SPTBN1: variants seen among roughly 807,000 people sequenced by gnomAD.
The protein encoded by SPTBN1 is spectrin beta, non-erythrocytic 1, also known as spectrin beta chain, non-erythrocytic 1.
Under a neutral mutation model 266.4 loss-of-function variants are expected in SPTBN1, and 32 were observed. That is an observed-to-expected ratio of 0.12 (90% CI 0.09 to 0.16). SPTBN1 has a LOEUF of 0.16. Ranked by LOEUF, SPTBN1 falls within the 10% of genes least tolerant of loss-of-function variation. SPTBN1 has a pLI of 1.00. For missense variants in SPTBN1, 2,296 were observed against 3,067.1 expected (o/e 0.75, Z 5.94); for synonymous variants, 1,336 against 1,162.2 (o/e 1.15, Z -3.04).
intron 17 of SPTBN1, among the ~76,000 whole-genome samples, chr2:54,632,970 T>C (rs1678855458): frequency 6.6e-6 from 1 of 152,200 alleles, no homozygotes; most frequent in Non-Finnish European, 1.5e-5. Flanking sequence ...GTGAGACATG[T>C]ACAAGTGTCC....
chr2:54,552,575 G>C lies in SPTBN1; in HGVS notation c.148+26009G>C, dbSNP rs868100232. On this transcript the variant is annotated intron_variant, in intron 2 of 35. Coordinates refer to ENST00000356805, the MANE Select transcript of SPTBN1 (RefSeq NM_003128.3). The stretch of plus-strand genomic sequence containing the variant: ...AGATTCAAGCGATTCTCCTGCCTCA[G>C]CCTCCTGAGTAGCTGGGATTACAGG... Among the ~76,000 whole-genome samples, 236 of 151,184 alleles carry C rather than the reference G, an allele frequency of 1.6e-3. No individual in the cohort carries two copies. In the Middle Eastern group the frequency reaches 0.024, roughly 16 times the overall value.
intron 1 of SPTBN1, among the ~76,000 whole-genome samples, chr2:54,471,013 ACTT>A (rs1434095519): frequency 2.0e-5 from 3 of 152,148 alleles, no homozygotes; most frequent in East Asian, 1.9e-4. Flanking sequence ...AGCCCAAGAC[ACTT>A]CTTCTTCCAG....
Position 54,629,005 on chromosome 2 carries a change from G to A in SPTBN1, c.1871G>A (p.Cys624Tyr). The change falls in exon 14 of 36, where the codon TGC becomes TAC. Residue 624 changes from cysteine (C) to tyrosine (Y), a missense_variant. Cys to Tyr is a radical substitution (Grantham distance 194). Transcript: ENST00000356805. ...AHMEFCYQEL[C>Y]QLAAERRARL... is the part of the protein sequence containing the mutation. Reference sequence around the variant, plus strand: ...ATGGAGTTCTGTTATCAAGAGCTTTGCCAGCTGGCGGCTGAGCGCAGGGCC... The same window carrying A: ...ATGGAGTTCTGTTATCAAGAGCTTTACCAGCTGGCGGCTGAGCGCAGGGCC... The A allele has an allele frequency of 6.2e-7, 1 of 1,613,804 alleles. No individual in the cohort carries two copies. Among genetic ancestry groups the A allele is most frequent in the Non-Finnish European group, 8.5e-7 (1 of 1,180,010 alleles).
intron 2 of SPTBN1, chr2:54,529,768 G>C (rs995133527): frequency 1.1e-5 from 6 of 537,060 alleles, no homozygotes; most frequent in Non-Finnish European, 2.1e-5. Flanking sequence ...TCCTGATTAT[G>C]ATGCTTTGGA....
intron 1 of SPTBN1, among the ~76,000 whole-genome samples, chr2:54,462,844 G>T (rs1184041972): frequency 6.6e-6 from 1 of 152,210 alleles, no homozygotes; most frequent in Non-Finnish European, 1.5e-5. Context: ...TTCTGTTCCT[G>T]GCAGACATCG....
intron 3 of SPTBN1, among the ~76,000 whole-genome samples, chr2:54,600,715 T>G (rs1295099867): frequency 2.7e-5 from 2 of 73,928 alleles, no homozygotes; most frequent in African/African-American, 1.5e-4. Context: ...TATTTATTGA[T>G]TTTTTTTTTT....
chr2:54,568,267 G>A (rs1229861764), intron 2 of SPTBN1, among the ~76,000 whole-genome samples: 1 of 148,488 alleles, frequency 6.7e-6, no homozygotes, highest in East Asian at 2.0e-4. Context: ...TGTAATCCCA[G>A]CTACTCTGGG....
At chr2:54,529,849 CACCAAA>C in intron 2 of SPTBN1, 2 of 87,666 alleles carry the variant, frequency 2.3e-5, no homozygotes, top group South Asian at 3.0e-4. Flanking sequence ...TATCTCTTTT[CACCAAA>C]AAAAAAAAAA....
intron 2 of SPTBN1, among the ~76,000 whole-genome samples, chr2:54,568,302 A>G (rs1161558310): frequency 2.1e-5 from 3 of 144,260 alleles, no homozygotes; most frequent in African/African-American, 5.1e-5. Context: ...GTGAGTCGAG[A>G]TTGCACCACT....
At chr2:54,556,301 A>G (rs72918780) in intron 2 of SPTBN1, among the ~76,000 whole-genome samples, 4,709 of 152,148 alleles carry the variant, frequency 0.031, 274 homozygotes, top group African/African-American at 0.11. Flanking sequence ...CCTTTCTAAT[A>G]CTTGCATGTG....
At chr2:54,504,280 A>AT (rs1669436396) in intron 1 of SPTBN1, among the ~76,000 whole-genome samples, 1 of 152,262 alleles carries the variant, frequency 6.6e-6, no homozygotes, top group African/African-American at 2.4e-5. Context: ...ACTTTCTTAA[A>AT]TAAAAACCTT....
intron 31 of SPTBN1, 66 bp from the exon 32 acceptor site, chr2:54,659,870 T>A: frequency 6.4e-7 from 1 of 1,565,452 alleles, no homozygotes; most frequent in Non-Finnish European, 8.7e-7. Flanking sequence ...CTCCCACCCT[T>A]TCTTACTGTT....
rs1558437265 is a variant in SPTBN1, at chr2:54,622,398, G to A, written c.975G>A (p.Leu325=). Residue 325 remains leucine, a synonymous_variant, in exon 9 of 36, where the codon CTG becomes CTA. Transcript: ENST00000356805. ...GGATTGAACAAACCATCATCATTCT[G>A]AACAATCGCAAATTTGCCAATTCAC... is the stretch of plus-strand genomic sequence containing the variant. ...LEWIEQTIII[L]NNRKFANSLV... 1.9e-6 allele frequency: 3 copies of A among 1,614,158 alleles called. No individual in the cohort carries two copies. Among genetic ancestry groups the A allele is most frequent in the East Asian group, 2.2e-5 (1 of 44,886 alleles).
Position 54,526,404 on chromosome 2 carries a change from C to T in SPTBN1, c.-15C>T, listed in dbSNP as rs779016641. ...AGAAGGAGCTGATGTGGAGGAGCAG[C>T]TGAGACAGTTCAAGATGACGACCAC... On this transcript the variant is annotated 5_prime_UTR_variant, in exon 2 of 36. Coordinates refer to ENST00000356805, the MANE Select transcript of SPTBN1 (RefSeq NM_003128.3). The T allele has an allele frequency of 1.9e-6, 3 of 1,613,626 alleles. No individual in the cohort carries two copies. The Admixed American group carries it at 5.0e-5, about 27-fold the overall frequency.
chr2:54,659,368 G>A, intron 31 of SPTBN1, 102 bp downstream of exon 31: 1 of 1,118,740 alleles, frequency 8.9e-7, no homozygotes, highest in East Asian at 2.4e-5. Context: ...CTAACCACAT[G>A]CCCTGCCTAC....
intron 2 of SPTBN1, among the ~76,000 whole-genome samples, chr2:54,566,333 G>A (rs555790098): frequency 1.5e-3 from 221 of 151,748 alleles, no homozygotes; most frequent in Non-Finnish European, 2.4e-3. Flanking sequence ...GATTATAGGC[G>A]CCCACCACCA....
chr2:54,593,523 TC>T (rs1333225237), intron 2 of SPTBN1, among the ~76,000 whole-genome samples: 1 of 152,122 alleles, frequency 6.6e-6, no homozygotes, highest in Non-Finnish European at 1.5e-5. Context: ...AGAGGTGGGG[TC>T]CTCAGGTGTG....
intron 1 of SPTBN1, among the ~76,000 whole-genome samples, chr2:54,464,282 T>A (rs1490477818): frequency 6.6e-6 from 1 of 152,216 alleles, no homozygotes; most frequent in Non-Finnish European, 1.5e-5. Context: ...AAATGTTTTT[T>A]AATGGAACAT....
At chr2:54,648,357 C>T (rs1680053864) in intron 24 of SPTBN1, among the ~76,000 whole-genome samples, 1 of 152,262 alleles carries the variant, frequency 6.6e-6, no homozygotes, top group African/African-American at 2.4e-5. Context: ...GACCATCACT[C>T]TGGGGAGAAG....
Sources: gnomAD v4.1 joint callset for allele counts (sites outside exome capture counted in the v4.1 genomes callset) on GRCh38, gnomAD v4.1.1 for gene constraint, MANE v1.5 for transcripts, NCBI Gene and HGNC (gene_info 2026-07-23, HGNC 2026-07-21) for gene names.